Variants in DNAJC13 observed in about 807,000 individuals in gnomAD.
DNAJC13 encodes DnaJ heat shock protein family (Hsp40) member C13.
Under a neutral mutation model 290.5 loss-of-function variants are expected in DNAJC13, and 75 were observed. That is an observed-to-expected ratio of 0.26 (90% CI 0.21 to 0.31). The LOEUF is 0.31. Among genes scored for constraint, DNAJC13 ranks in the 10% least tolerant of loss-of-function variants. The pLI is 1.00. For missense variants in DNAJC13, 2,260 were observed against 2,674.5 expected (o/e 0.85, Z 3.42); for synonymous variants, 862 against 892.0 (o/e 0.97, Z 0.60).
chr3:132,487,957 T>C (rs1934935236), intron 29 of DNAJC13, among the ~76,000 whole-genome samples: 2 of 152,200 alleles, frequency 1.3e-5, no homozygotes, highest in Non-Finnish European at 2.9e-5. Flanking sequence ...GATTCTTGTG[T>C]CAGCTCAGCT....
In DNAJC13 at chr3:132,495,106, T is replaced by G; in HGVS notation, c.3960T>G (p.Ile1320Met). Residue 1320 changes from isoleucine (I) to methionine (M), a missense_variant, in exon 35 of 56, where the codon ATT becomes ATG. Around this residue, in one of 3 missense-constraint regions of DNAJC13, gnomAD observed 1,494 missense variants for 1,693.7 expected, o/e 0.88. Coordinates refer to ENST00000260818, the MANE Select transcript of DNAJC13 (RefSeq NM_015268.4). ...QGQGPHDESK[I>M]RKAYFRLAQK... The stretch of plus-strand genomic sequence containing the variant: ...TTAACAGGCATGATGAGAGCAAGAT[T>G]AGGAAAGCTTACTTCAGACTTGCAC... The G allele has an allele frequency of 6.2e-7, 1 of 1,613,560 alleles. No homozygotes were observed. The highest frequency in any genetic ancestry group is 2.2e-5 in the East Asian group (1 of 44,858).
At chr3:132,489,165 G>GT (rs1470420840) in intron 31 of DNAJC13, 144 bp downstream of exon 31, 3 of 597,416 alleles carry the variant, frequency 5.0e-6, no homozygotes, top group Middle Eastern at 3.0e-4. Flanking sequence ...ATTGTTTGTG[G>GT]TACCTTGCAC....
At position 132,530,994 on chromosome 3, in the gene DNAJC13, C is replaced by T; in HGVS notation, c.6526-4C>T. 6.2e-7 allele frequency: 1 copy of T among 1,612,872 alleles called. No individual in the cohort carries two copies. Among genetic ancestry groups the T allele is most frequent in the East Asian group, 2.2e-5 (1 of 44,862 alleles). On this transcript the variant is annotated splice_polypyrimidine_tract_variant and splice_region_variant and intron_variant, in intron 54 of 55. Transcript: ENST00000260818. The stretch of plus-strand genomic sequence containing the variant: ...TGTTCAAAGGGCTTGTTTTACTTTC[C>T]TAGGTGAATGAAATCCTGTGCCGTT...
At chr3:132,421,912 C>T (rs557773499) in intron 1 of DNAJC13, among the ~76,000 whole-genome samples, 9 of 152,290 alleles carry the variant, frequency 5.9e-5, no homozygotes, top group Admixed American at 5.2e-4. Context: ...TTAAACCCTG[C>T]AAAATGTACT....
chr3:132,452,267 A>G (rs569998487), intron 6 of DNAJC13, among the ~76,000 whole-genome samples: 25 of 152,346 alleles, frequency 1.6e-4, no homozygotes, highest in Admixed American at 1.5e-3. Context: ...TTTCATTTGA[A>G]TTAATCCACT....
In DNAJC13 at chr3:132,474,983, A is replaced by C; in HGVS notation, c.2343A>C (p.Arg781=). 4 of 1,612,194 alleles carry C rather than the reference A, an allele frequency of 2.5e-6. No homozygotes were observed. Among genetic ancestry groups the C allele is most frequent in the Non-Finnish European group, 3.4e-6 (4 of 1,179,136 alleles). The part of the protein sequence containing the change: ...RSNLIWNFKT[R]EELKDTLESE... ...ACCTTATTTGGAATTTCAAAACACG[A>C]GAAGAACTGAAAGATACTCTTGAAT... Residue 781 remains arginine (R), a synonymous_variant, in exon 22 of 56, where the codon CGA becomes CGC. Transcript: ENST00000260818.
chr3:132,488,922 T>A (rs1255099126), intron 30 of DNAJC13, 54 bp from the exon 31 acceptor site: 1 of 1,409,872 alleles, frequency 7.1e-7, no homozygotes, highest in East Asian at 2.3e-5. Context: ...AAACTAAGGT[T>A]ACAAAAACTA....
At chr3:132,472,317 C>T (rs995358182) in intron 20 of DNAJC13, among the ~76,000 whole-genome samples, 7 of 152,192 alleles carry the variant, frequency 4.6e-5, no homozygotes, top group Non-Finnish European at 1.0e-4. Flanking sequence ...TCTTCTCTTC[C>T]AGTTGCAGCC....
intron 44 of DNAJC13, among the ~76,000 whole-genome samples, chr3:132,511,665 G>A (rs986066815): frequency 3.9e-5 from 6 of 152,082 alleles, no homozygotes; most frequent in Non-Finnish European, 8.8e-5. Flanking sequence ...ATTGCCTGAA[G>A]TTTTTGGTGT....
intron 15 of DNAJC13, 139 bp from the exon 16 acceptor site, chr3:132,462,328 G>C: frequency 1.4e-6 from 1 of 706,856 alleles, no homozygotes; most frequent in Non-Finnish European, 2.3e-6. Flanking sequence ...TAACCAAACT[G>C]ACTTTGAGAT....
chr3:132,503,866 A>T (rs1181217851), intron 41 of DNAJC13, among the ~76,000 whole-genome samples: 1 of 152,158 alleles, frequency 6.6e-6, no homozygotes, highest in African/African-American at 2.4e-5. Context: ...AGATCTCCCA[A>T]CCTCTTTAAC....
rs572654886 is a variant in DNAJC13 at position 132,509,177 on chromosome 3, G to A, written c.5115+1824G>A. On this transcript the variant is annotated intron_variant, in intron 43 of 55. Transcript: ENST00000260818. ...GGAAAGGATTCACCTTTCTAGATGCGTAAGAGCATTTGTGATTCATGGGAG... is the reference window on the plus strand; with the variant it reads ...GGAAAGGATTCACCTTTCTAGATGCATAAGAGCATTTGTGATTCATGGGAG... Among the ~76,000 whole-genome samples the A allele has an allele frequency of 3.3e-5, 5 of 152,324 alleles. No individual in the cohort carries two copies. In the South Asian group the frequency reaches 6.2e-4, roughly 19 times the overall value.
chr3:132,493,592 A>G (rs561576813), intron 33 of DNAJC13, among the ~76,000 whole-genome samples: 1 of 152,284 alleles, frequency 6.6e-6, no homozygotes, highest in South Asian at 2.1e-4. Context: ...TCCTTGGCAC[A>G]TAGGCAGGCA....
At position 132,502,329 on chromosome 3, in the gene DNAJC13, G is replaced by A; in HGVS notation, c.4577G>A (p.Ser1526Asn). 1.2e-6 allele frequency: 2 copies of A among 1,612,952 alleles called. No individual in the cohort carries two copies. The highest frequency in any genetic ancestry group is 1.7e-6 in the Non-Finnish European group (2 of 1,179,820). The change falls in exon 40 of 56, where the codon AGT becomes AAT. Residue 1526 changes from serine (S) to asparagine (N), a missense_variant. Coordinates refer to ENST00000260818, the MANE Select transcript of DNAJC13 (RefSeq NM_015268.4). ...GCTGCTCTTGGGGTAGAATGTGTCA[G>A]TTCTTTTGCTGTGGATTTCTGGCTA... is the stretch of plus-strand genomic sequence containing the variant. ...RVAALGVECV[S>N]SFAVDFWLQT...
At chr3:132,514,704 C>A in intron 46 of DNAJC13, 34 bp downstream of exon 46, 2 of 1,475,382 alleles carry the variant, frequency 1.4e-6, no homozygotes, top group Admixed American at 1.7e-5. Flanking sequence ...GAAACCACAG[C>A]AAGATTAGCC....
At chr3:132,418,525 A>AG (rs1268528317) in intron 1 of DNAJC13, among the ~76,000 whole-genome samples, 2 of 152,152 alleles carry the variant, frequency 1.3e-5, no homozygotes, top group Non-Finnish European at 2.9e-5. Flanking sequence ...CGTTGCTTAG[A>AG]GGGGGGAAAA....
At position 132,448,839 on chromosome 3, in the gene DNAJC13, C is replaced by T. The variant is rs563197348; in HGVS notation, c.336+900C>T. Among the ~76,000 whole-genome samples the T allele has an allele frequency of 3.3e-5, 5 of 152,212 alleles. No homozygotes were observed. The East Asian group carries it at 5.8e-4, about 18-fold the overall frequency. On this transcript the variant is annotated intron_variant, in intron 5 of 55. Transcript: ENST00000260818. ...TTAAAAATAGTTTAATGGCAACTGG[C>T]GAGCTGCTTATTTCTTGTTCCTGAT...
rs774301902 is a variant in DNAJC13, at chr3:132,483,504, G to T, written c.3109G>T (p.Val1037Phe). The change falls in exon 28 of 56, where the codon GTC becomes TTC. Residue 1037 changes from valine (V) to phenylalanine (F), a missense_variant. This residue lies in a region of DNAJC13 where 1,494 missense variants were observed against 1,693.7 expected (regional missense o/e 0.88). Transcript: ENST00000260818. Reference sequence around the variant, plus strand: ...GTGTCTCTTAGCCAGTGGACAGGCTGTCCTGAATGAAACTGACCTTGCTAC... The same window carrying T: ...GTGTCTCTTAGCCAGTGGACAGGCTTTCCTGAATGAAACTGACCTTGCTAC... ...KWCLLASGQA[V>F]LNETDLATLI... 5.0e-6 allele frequency: 8 copies of T among 1,614,022 alleles called. No homozygotes were observed. Among genetic ancestry groups the T allele is most frequent in the African/African-American group, 2.7e-5 (2 of 74,916 alleles).
chr3:132,469,104 A>C (rs1334503651), intron 20 of DNAJC13, among the ~76,000 whole-genome samples: 1 of 152,244 alleles, frequency 6.6e-6, no homozygotes, highest in Non-Finnish European at 1.5e-5. Flanking sequence ...ATGATGCCAG[A>C]TAAATGTTGG....
Sources: allele counts gnomAD v4.1 joint callset (sites outside exome capture counted in the v4.1 genomes callset), GRCh38; gene constraint gnomAD v4.1.1; regional missense constraint gnomAD v4.1.1; transcripts MANE v1.5; gene names NCBI Gene and HGNC (gene_info 2026-07-23, HGNC 2026-07-21).